The following CHD6 variants were observed in gnomAD, a reference collection of about 807,000 sequenced individuals.
CHD6 encodes chromodomain helicase DNA binding protein 6, also known as ATP-dependent chromatin remodeler CHD6.
Under a neutral mutation model 276.9 loss-of-function variants are expected in CHD6, and 50 were observed. The observed-to-expected ratio is 0.18, with a 90% confidence interval of 0.14 to 0.23. CHD6 has a LOEUF of 0.23. Among genes scored for constraint, CHD6 ranks in the 10% least tolerant of loss-of-function variants. The pLI is 1.00. For synonymous variants in CHD6, 1,173 were observed against 1,229.3 expected (o/e 0.95, Z 0.96); for missense variants, 2,564 against 3,365.8 (o/e 0.76, Z 5.89).
chr20:41,604,245 A>C (rs369174650), intron 1 of CHD6, among the ~76,000 whole-genome samples: 76 of 152,286 alleles, frequency 5.0e-4, no homozygotes, highest in Middle Eastern at 6.8e-3. Context: ...GGATCACAGG[A>C]GAGGGTTGGG....
intron 1 of CHD6, among the ~76,000 whole-genome samples, chr20:41,562,991 CTG>C (rs2045318140): frequency 6.6e-6 from 1 of 152,206 alleles, no homozygotes; most frequent in Non-Finnish European, 1.5e-5. Context: ...TGAGGAAGCT[CTG>C]TGCTTGGCCG....
rs369009313 is a variant in CHD6 at position 41,459,704 on chromosome 20, C to T, written c.2665-2276G>A. Among the ~76,000 whole-genome samples the T allele has an allele frequency of 3.2e-4, 49 of 152,364 alleles. 1 individual carries two copies. In the East Asian group the frequency reaches 7.1e-3, roughly 22 times the overall value. The stretch of plus-strand genomic sequence containing the variant: ...TTCGCCTCTTGCCATGATTCTGAGG[C>T]CTCCCCAGCCATGTGGAACTGTAAG... On this transcript the variant is annotated intron_variant, in intron 17 of 36. Transcript: ENST00000373233.
intron 1 of CHD6, among the ~76,000 whole-genome samples, chr20:41,580,229 T>C (rs2045521705): frequency 6.6e-6 from 1 of 152,194 alleles, no homozygotes; most frequent in South Asian, 2.1e-4. Context: ...TATGTTTTGC[T>C]CTGTAACTGT....
At chr20:41,493,700 ATGTTCTAT>A (rs1323591039) in intron 9 of CHD6, 28 bp from the exon 10 acceptor site, 1 of 1,612,262 alleles carries the variant, frequency 6.2e-7, no homozygotes, top group African/African-American at 1.3e-5. Flanking sequence ...AAGAAACTTA[ATGTTCTAT>A]TAGGTTAAAG....
chr20:41,436,646 G>C (rs1206805663), intron 27 of CHD6, among the ~76,000 whole-genome samples: 2 of 152,058 alleles, frequency 1.3e-5, no homozygotes, highest in African/African-American at 4.8e-5. Context: ...AACAAACTCT[G>C]GTTCTTCCAT....
Position 41,499,304 on chromosome 20 carries a change from A to G in CHD6, c.906T>C (p.Thr302=), listed in dbSNP as rs1330700804. The G allele has an allele frequency of 6.2e-7, 1 of 1,606,994 alleles. No homozygotes were observed. The highest frequency in any genetic ancestry group is 1.1e-5 in the South Asian group (1 of 89,784). The change falls in exon 6 of 37, where the codon ACT becomes ACC. Residue 302 remains threonine, a synonymous_variant. Transcript: ENST00000373233. ...NIIEKILASK[T]VQEVHPGEPP... Reference sequence around the variant, plus strand: ...AACATGAGCCACCAACCTCCTGGACAGTCTTAGATGCCAGGATCTTCTCAA... The same window carrying G: ...AACATGAGCCACCAACCTCCTGGACGGTCTTAGATGCCAGGATCTTCTCAA...
At chr20:41,464,243 G>A (rs569552108) in intron 17 of CHD6, among the ~76,000 whole-genome samples, 132 of 152,174 alleles carry the variant, frequency 8.7e-4, no homozygotes, top group African/African-American at 3.0e-3. Flanking sequence ...TTTTGCTTTT[G>A]AGTTTTAGGA....
At chr20:41,443,468 T>C (rs1309303822) in intron 25 of CHD6, among the ~76,000 whole-genome samples, 1 of 152,242 alleles carries the variant, frequency 6.6e-6, no homozygotes, top group African/African-American at 2.4e-5. Context: ...ATTAATTATA[T>C]CTTCCTGGTG....
intron 1 of CHD6, among the ~76,000 whole-genome samples, chr20:41,588,588 T>C (rs1010453077): frequency 9.2e-5 from 14 of 152,308 alleles, no homozygotes; most frequent in African/African-American, 3.4e-4. Flanking sequence ...GGTAAAGACG[T>C]AGAAAACTAC....
chr20:41,411,086 A>G (rs2046828697), intron 36 of CHD6, among the ~76,000 whole-genome samples: 2 of 152,034 alleles, frequency 1.3e-5, no homozygotes, highest in Non-Finnish European at 2.9e-5. Flanking sequence ...GCAAGAGGGG[A>G]AAAAAGGGCA....
chr20:41,575,450 T>C (rs2146216731), intron 1 of CHD6, among the ~76,000 whole-genome samples: 1 of 152,294 alleles, frequency 6.6e-6, no homozygotes, highest in Admixed American at 6.5e-5. Flanking sequence ...TTTCTTCACA[T>C]ATGCACCTGC....
rs375522887 is a variant in CHD6 at position 41,416,691 on chromosome 20, G to A, written c.6383C>T (p.Pro2128Leu). The change falls in exon 33 of 37, where the codon CCG (proline) becomes CTG (leucine). Residue 2128 changes from proline (P) to leucine (L), a missense_variant. Pro to Leu is a moderately conservative substitution (Grantham distance 98, BLOSUM62 -3). Transcript: ENST00000373233. ...QYEPSGTLPT[P>L]VLTSSAGSRT... ...AGAACCAGCACTGCTGGTTAATACC[G>A]GGGTGGGCAGTGTGCCTGAGGGCTC... is the stretch of plus-strand genomic sequence containing the variant. 3.0e-5 allele frequency: 48 copies of A among 1,613,984 alleles called. No homozygotes were observed. Among genetic ancestry groups the A allele is most frequent in the African/African-American group, 1.9e-4 (14 of 74,924 alleles).
intron 27 of CHD6, among the ~76,000 whole-genome samples, chr20:41,429,712 T>C (rs964450648): frequency 2.0e-5 from 3 of 152,216 alleles, no homozygotes; most frequent in Admixed American, 2.0e-4. Flanking sequence ...ATGGAACCCA[T>C]GGAACCAGCT....
At chr20:41,413,561 A>G in intron 34 of CHD6, 46 bp from the exon 35 acceptor site, 1 of 1,390,854 alleles carries the variant, frequency 7.2e-7, no homozygotes. Flanking sequence ...CACAATGAAA[A>G]TTAGTTTCTA....
intron 2 of CHD6, among the ~76,000 whole-genome samples, chr20:41,549,101 T>C (rs975452395): frequency 5.9e-5 from 9 of 152,010 alleles, no homozygotes; most frequent in Non-Finnish European, 1.0e-4. Flanking sequence ...CTCAGGGATC[T>C]AGAACTAGAA....
intron 23 of CHD6, among the ~76,000 whole-genome samples, chr20:41,449,925 T>G (rs2048184519): frequency 6.6e-6 from 1 of 152,218 alleles, no homozygotes; most frequent in Non-Finnish European, 1.5e-5. Context: ...TTTAACTTTT[T>G]AAAGGTTCTT....
Position 41,405,302 on chromosome 20 carries a change from C to T in CHD6, c.7439G>A (p.Gly2480Glu), listed in dbSNP as rs2046641307. 1 of 1,614,206 alleles carries T rather than the reference C, an allele frequency of 6.2e-7. No individual in the cohort carries two copies. The highest frequency in any genetic ancestry group is 8.5e-7 in the Non-Finnish European group (1 of 1,180,042). Residue 2480 changes from glycine to glutamate, a missense_variant, in exon 37 of 37, where the codon GGA becomes GAA. Around this residue, in one of 7 missense-constraint regions of CHD6, gnomAD observed 25 missense variants for 50.8 expected, o/e 0.49. Coordinates refer to ENST00000373233, the MANE Select transcript of CHD6 (RefSeq NM_032221.5). ...TGGCATATTTCTCATGTTCTGAAGT[C>T]CTACCAGGTCCATCCCAGCAATCAG... ...NGLIAGMDLV[G>E]LQNMRNMPGI... is the part of the protein sequence containing the mutation.
chr20:41,502,184 T>G (rs888958002), intron 5 of CHD6, among the ~76,000 whole-genome samples: 1 of 152,180 alleles, frequency 6.6e-6, no homozygotes, highest in African/African-American at 2.4e-5. Context: ...TTAAGAAATT[T>G]GTATTGCCAC....
intron 14 of CHD6, 99 bp downstream of exon 14, chr20:41,487,566 C>T (rs1278786747): frequency 2.6e-6 from 3 of 1,158,528 alleles, no homozygotes; most frequent in Middle Eastern, 2.0e-4. Context: ...TTACCAGGAA[C>T]GTGACAACTT....
Sources: allele counts gnomAD v4.1 joint callset (sites outside exome capture counted in the v4.1 genomes callset), GRCh38; gene constraint gnomAD v4.1.1; regional missense constraint gnomAD v4.1.1; transcripts MANE v1.5; gene names NCBI Gene and HGNC (gene_info 2026-07-23, HGNC 2026-07-21).